The following GUCY1A1 variants were observed in gnomAD, a reference collection of about 807,000 sequenced individuals.
GUCY1A1 encodes the protein guanylate cyclase soluble subunit alpha-1.
Under a neutral mutation model 64.5 loss-of-function variants are expected in GUCY1A1, and 48 were observed. That is an observed-to-expected ratio of 0.74 (90% CI 0.59 to 0.95). The LOEUF (loss-of-function observed/expected upper bound fraction) is 0.95. Among genes scored for constraint, GUCY1A1 ranks in the 40% least tolerant of loss-of-function variants. The pLI, the probability that GUCY1A1 is intolerant of heterozygous loss-of-function variation, is 0.00. For missense variants in GUCY1A1, 804 were observed against 825.3 expected (o/e 0.97, Z 0.32); for synonymous variants, 308 against 303.4 (o/e 1.02, Z -0.16).
chr4:155,705,721 CTCATGAGT>C (rs1002014911), intron 4 of GUCY1A1, among the ~76,000 whole-genome samples: 1 of 152,166 alleles, frequency 6.6e-6, no homozygotes, highest in African/African-American at 2.4e-5. Context: ...CTGTCTCCTA[CTCATGAGT>C]GATCATCTGC....
intron 2 of GUCY1A1, among the ~76,000 whole-genome samples, chr4:155,692,644 A>G (rs560688992): frequency 6.6e-6 from 1 of 152,272 alleles, no homozygotes; most frequent in Non-Finnish European, 1.5e-5. Context: ...GCTCCTTAAG[A>G]CCTGCTTTTG....
intron 2 of GUCY1A1, chr4:155,668,262 T>C (rs1447236164): frequency 6.6e-6 from 1 of 152,342 alleles, no homozygotes; most frequent in Non-Finnish European, 1.5e-5. Flanking sequence ...TCACTGATTT[T>C]CACATGGTTA....
intron 2 of GUCY1A1, among the ~76,000 whole-genome samples, chr4:155,684,273 T>C (rs1736222054): frequency 6.6e-6 from 1 of 152,200 alleles, no homozygotes; most frequent in South Asian, 2.1e-4. Context: ...TTTGCAAGCA[T>C]CCAAATATAT....
At chr4:155,678,298 C>A (rs1230640921) in intron 2 of GUCY1A1, among the ~76,000 whole-genome samples, 1 of 152,168 alleles carries the variant, frequency 6.6e-6, no homozygotes, top group East Asian at 1.9e-4. Flanking sequence ...TCTGACCATG[C>A]ATATCCTCTG....
intron 2 of GUCY1A1, among the ~76,000 whole-genome samples, chr4:155,695,851 C>A (rs1018548085): frequency 6.6e-6 from 1 of 152,110 alleles, no homozygotes; most frequent in African/African-American, 2.4e-5. Flanking sequence ...AGCTGGTAGA[C>A]CCAGTTAATC....
intron 3 of GUCY1A1, among the ~76,000 whole-genome samples, chr4:155,702,360 T>C (rs1731200097): frequency 6.6e-6 from 1 of 152,224 alleles, no homozygotes. Flanking sequence ...AACTTTCTAC[T>C]GTACCAAGTA....
At chr4:155,693,040 C>G (rs1046476758) in intron 2 of GUCY1A1, among the ~76,000 whole-genome samples, 1 of 151,728 alleles carries the variant, frequency 6.6e-6, no homozygotes, top group African/African-American at 2.4e-5. Context: ...GCCTGGATGA[C>G]AGAGTGAGAC....
At chr4:155,693,748 T>C (rs1730060627) in intron 2 of GUCY1A1, among the ~76,000 whole-genome samples, 1 of 152,188 alleles carries the variant, frequency 6.6e-6, no homozygotes, top group South Asian at 2.1e-4. Context: ...TTCGGCTTAT[T>C]TCCTGGAAAT....
chr4:155,671,723 C>G (rs1230209582), intron 2 of GUCY1A1, among the ~76,000 whole-genome samples: 1 of 152,066 alleles, frequency 6.6e-6, no homozygotes, highest in East Asian at 1.9e-4. Context: ...GAATTTGTCT[C>G]TATAATATTT....
intron 4 of GUCY1A1, among the ~76,000 whole-genome samples, chr4:155,705,362 A>G (rs920000180): frequency 6.6e-6 from 1 of 152,054 alleles, no homozygotes; most frequent in Non-Finnish European, 1.5e-5. Context: ...CAGACTGGCC[A>G]ACATGGCGAA....
chr4:155,702,930 G>A (rs1380878528), intron 3 of GUCY1A1, among the ~76,000 whole-genome samples: 2 of 150,928 alleles, frequency 1.3e-5, no homozygotes, highest in Non-Finnish European at 3.0e-5. Flanking sequence ...ACTTTCCTCT[G>A]GGGAAACTAT....
At chr4:155,680,935 ACACACACACACATG>A (rs1338328265) in intron 2 of GUCY1A1, among the ~76,000 whole-genome samples, 2 of 144,702 alleles carry the variant, frequency 1.4e-5, no homozygotes, top group African/African-American at 2.5e-5. Context: ...ACACACACAC[ACACACACACACATG>A]CACACACACA....
intron 3 of GUCY1A1, among the ~76,000 whole-genome samples, chr4:155,700,890 G>A (rs1467869329): frequency 1.3e-5 from 2 of 152,126 alleles, no homozygotes; most frequent in African/African-American, 4.8e-5. Context: ...AGGAAATATT[G>A]GATTTAGTTC....
At position 155,669,150 on chromosome 4, in the gene GUCY1A1, G is replaced by A. The variant is rs529180036; in HGVS notation, c.-113+1731G>A. Among the ~76,000 whole-genome samples the A allele has an allele frequency of 1.8e-4, 27 of 152,192 alleles. No homozygotes were observed. In the East Asian group the frequency reaches 5.2e-3, roughly 29 times the overall value. ...GTAGTTAAATATTTCACATAAAATA[G>A]ACCAGATGTATGTATTTTAATGTAT... On this transcript the variant is annotated intron_variant, in intron 2 of 9. Transcript: ENST00000506455.
intron 2 of GUCY1A1, among the ~76,000 whole-genome samples, chr4:155,685,603 GT>G (rs70954055): frequency 0.16 from 17,157 of 105,686 alleles, 834 homozygotes; most frequent in Admixed American, 0.25. Context: ...TTCTCCTTGT[GT>G]TTTTTTTTTT....
At chr4:155,693,195 C>T (rs760585531) in intron 2 of GUCY1A1, among the ~76,000 whole-genome samples, 5 of 152,138 alleles carry the variant, frequency 3.3e-5, no homozygotes, top group Non-Finnish European at 7.3e-5. Context: ...ATTCTCACCA[C>T]GGCAAAGTTA....
At chr4:155,714,880 A>G (rs1380591668) in intron 7 of GUCY1A1, among the ~76,000 whole-genome samples, 3 of 152,206 alleles carry the variant, frequency 2.0e-5, no homozygotes, top group Non-Finnish European at 2.9e-5. Flanking sequence ...TGTGGAATTT[A>G]CTATATTTAT....
At position 155,720,282 on chromosome 4, in the gene GUCY1A1, C is replaced by G. The variant is rs1446625708; in HGVS notation, c.1717-1756C>G. 4.6e-5 allele frequency among the ~76,000 whole-genome samples: 7 copies of G among 152,104 alleles called. No homozygotes were observed. In the East Asian group the frequency reaches 1.4e-3, roughly 29 times the overall value. On this transcript the variant is annotated intron_variant, in intron 8 of 9. Transcript: ENST00000506455. ...AGAGTGCTCACAGAAAGCAAAAATT[C>G]CTCAATCTAAATATGCTGAAGTCAT...
chr4:155,723,487 A>C (rs1408349781), intron 9 of GUCY1A1, among the ~76,000 whole-genome samples: 1 of 152,100 alleles, frequency 6.6e-6, no homozygotes, highest in East Asian at 1.9e-4. Context: ...TTTCATGTAC[A>C]TTTTGTCTCA....
Sources: allele counts gnomAD v4.1 joint callset (sites outside exome capture counted in the v4.1 genomes callset), GRCh38; gene constraint gnomAD v4.1.1; transcripts MANE v1.5; gene names NCBI Gene and HGNC (gene_info 2026-07-23, HGNC 2026-07-21).